Variants in MYO1E observed in about 807,000 individuals in gnomAD.
MYO1E encodes myosin IE.
MYO1E carries 68 observed loss-of-function variants against 151.1 expected under a neutral mutation model. That is an observed-to-expected ratio of 0.45 (90% CI 0.37 to 0.55). MYO1E has a LOEUF of 0.55. Among genes scored for constraint, MYO1E ranks in the 20% least tolerant of loss-of-function variants. MYO1E has a pLI of 0.00. For synonymous variants in MYO1E, 601 were observed against 501.7 expected (o/e 1.20, Z -2.64); for missense variants, 1,363 against 1,389.3 (o/e 0.98, Z 0.30).
At chr15:59,357,076 T>C (rs1270876463) in intron 1 of MYO1E, among the ~76,000 whole-genome samples, 1 of 152,060 alleles carries the variant, frequency 6.6e-6, no homozygotes, top group Non-Finnish European at 1.5e-5. Flanking sequence ...CAGCTAATTC[T>C]TGTATTTTCA....
At chr15:59,341,016 C>CAAAAAAAAAA (rs35367694) in intron 1 of MYO1E, among the ~76,000 whole-genome samples, 9 of 86,242 alleles carry the variant, frequency 1.0e-4, no homozygotes, top group East Asian at 3.2e-4. Flanking sequence ...GACTCCATCT[C>CAAAAAAAAAA]AAAAAAAAAA....
chr15:59,245,917 T>G (rs1402736622), intron 4 of MYO1E, among the ~76,000 whole-genome samples: 5 of 152,214 alleles, frequency 3.3e-5, no homozygotes, highest in Admixed American at 6.5e-5. Flanking sequence ...ATGACCTTTT[T>G]GTTAAACAGA....
Position 59,218,105 on chromosome 15 carries a change from A to T in MYO1E, c.911-18T>A, listed in dbSNP as rs1353373740. On this transcript the variant is annotated intron_variant, in intron 9 of 27. Transcript: ENST00000288235. Reference sequence around the variant, plus strand: ...AGCTAAAACTGTAGAACATAAAACAAAACATGACAATCTTTCAGAATTGTG... The same window carrying T: ...AGCTAAAACTGTAGAACATAAAACATAACATGACAATCTTTCAGAATTGTG... 6.2e-7 allele frequency: 1 copy of T among 1,613,298 alleles called. No individual in the cohort carries two copies. The highest frequency in any genetic ancestry group is 1.7e-5 in the Admixed American group (1 of 60,036).
At chr15:59,191,368 GAA>G (rs35031801) in intron 17 of MYO1E, among the ~76,000 whole-genome samples, 2,501 of 139,112 alleles carry the variant, frequency 0.018, 34 homozygotes, top group Non-Finnish European at 0.024. Context: ...GAGAGAGAGA[GAA>G]AGAAATGTCA....
chr15:59,206,583 C>T (rs1230038857), intron 14 of MYO1E: 5 of 232,398 alleles, frequency 2.2e-5, no homozygotes, highest in Non-Finnish European at 4.2e-5. Flanking sequence ...TTATTTTCAT[C>T]TGTAGTTAAC....
chr15:59,227,276 T>G (rs529532192), intron 7 of MYO1E, among the ~76,000 whole-genome samples, 183 bp downstream of exon 7: 1 of 152,318 alleles, frequency 6.6e-6, no homozygotes, highest in South Asian at 2.1e-4. Flanking sequence ...GTCTTATCAC[T>G]CCAATTAGAA....
At chr15:59,187,201 T>C (rs1309701952) in intron 18 of MYO1E, among the ~76,000 whole-genome samples, 1 of 152,230 alleles carries the variant, frequency 6.6e-6, no homozygotes, top group African/African-American at 2.4e-5. Context: ...ACTGATTTAT[T>C]CTACAATAAA....
intron 25 of MYO1E, among the ~76,000 whole-genome samples, chr15:59,156,754 T>C (rs2140308460): frequency 6.6e-6 from 1 of 152,366 alleles, no homozygotes; most frequent in East Asian, 1.9e-4. Flanking sequence ...AACTGCTTAA[T>C]ACCAAACACT....
intron 1 of MYO1E, among the ~76,000 whole-genome samples, chr15:59,360,525 T>C (rs1192441297): frequency 2.6e-5 from 4 of 152,238 alleles, no homozygotes; most frequent in Non-Finnish European, 4.4e-5. Context: ...TGGTTTGGCA[T>C]GATTCATTGC....
In MYO1E at chr15:59,214,191, A is replaced by T. The variant is rs371252966; in HGVS notation, c.1275+37T>A. ...TATACCCTCTTAAACAAAATAAATT[A>T]TAAATAGAATAGGATGAAGGAAGAG... On this transcript the variant is annotated intron_variant, in intron 12 of 27. Coordinates refer to ENST00000288235, the MANE Select transcript of MYO1E (RefSeq NM_004998.4). 2.4e-4 allele frequency: 367 copies of T among 1,509,932 alleles called. 1 individual carries two copies. Among genetic ancestry groups the T allele is most frequent in the Non-Finnish European group, 3.3e-4 (363 of 1,099,670 alleles). The allele number at this position is 1,509,932 out of a possible 1,614,324, so 93.5% of individuals were successfully genotyped here. A position where few individuals can be genotyped will look rare whatever the true frequency, so the allele number is the denominator to read the frequency against.
intron 7 of MYO1E, among the ~76,000 whole-genome samples, chr15:59,225,930 G>GC (rs2079988338): frequency 6.6e-6 from 1 of 152,144 alleles, no homozygotes; most frequent in Non-Finnish European, 1.5e-5. Flanking sequence ...ACAGGCGTGA[G>GC]CCACCGCACC....
chr15:59,249,280 C>A (rs145359117), intron 4 of MYO1E, among the ~76,000 whole-genome samples: 3,096 of 152,152 alleles, frequency 0.02, 109 homozygotes, highest in African/African-American at 0.071. Context: ...AAAAAATTAG[C>A]TGGGTGTGGT....
chr15:59,301,915 C>T (rs1410508775), intron 1 of MYO1E, among the ~76,000 whole-genome samples: 2 of 151,610 alleles, frequency 1.3e-5, no homozygotes, highest in Non-Finnish European at 2.9e-5. Flanking sequence ...ACTACTGATT[C>T]GTTTTTCCTA....
At chr15:59,304,541 G>A (rs1216404280) in intron 1 of MYO1E, among the ~76,000 whole-genome samples, 1 of 152,214 alleles carries the variant, frequency 6.6e-6, no homozygotes, top group African/African-American at 2.4e-5. Flanking sequence ...ATTTAGGTAT[G>A]ACACAAAATA....
intron 1 of MYO1E, among the ~76,000 whole-genome samples, chr15:59,336,751 C>G (rs1225356779): frequency 6.6e-6 from 1 of 151,904 alleles, no homozygotes; most frequent in African/African-American, 2.4e-5. Context: ...CCTAGCCCCC[C>G]ACCCCCTGAC....
intron 1 of MYO1E, among the ~76,000 whole-genome samples, chr15:59,354,868 C>T (rs1263161216): frequency 2.6e-5 from 4 of 152,138 alleles, no homozygotes; most frequent in African/African-American, 7.2e-5. Context: ...TCCACAGCTA[C>T]CCCCTCCTGC....
intron 22 of MYO1E, among the ~76,000 whole-genome samples, chr15:59,170,909 C>T (rs1339801537): frequency 1.3e-5 from 2 of 152,152 alleles, no homozygotes; most frequent in Non-Finnish European, 2.9e-5. Context: ...CCAGTTTTGC[C>T]TTCTGTGTGG....
intron 14 of MYO1E, chr15:59,208,010 T>C: frequency 1.9e-6 from 3 of 1,610,574 alleles, no homozygotes; most frequent in Non-Finnish European, 2.5e-6. Context: ...AAGATAAAGC[T>C]GACCCCTGAA....
At chr15:59,151,374 G>A (rs1190732606) in intron 26 of MYO1E, among the ~76,000 whole-genome samples, 1 of 152,036 alleles carries the variant, frequency 6.6e-6, no homozygotes, top group African/African-American at 2.4e-5. Flanking sequence ...AGGTTGCAGT[G>A]AGCTGAGATT....
Sources: allele counts gnomAD v4.1 joint callset (sites outside exome capture counted in the v4.1 genomes callset), GRCh38; gene constraint gnomAD v4.1.1; transcripts MANE v1.5; gene names NCBI Gene and HGNC (gene_info 2026-07-23, HGNC 2026-07-21).